The following ZC3H12B variants were observed in gnomAD, a reference collection of about 807,000 sequenced individuals.
The protein encoded by ZC3H12B is probable ribonuclease ZC3H12B.
ZC3H12B carries 7 observed loss-of-function variants against 43.9 expected under a neutral mutation model. The ratio of observed to expected loss-of-function variants is 0.16; its 90% CI spans 0.09 to 0.30. The LOEUF is 0.30. Ranked by LOEUF, ZC3H12B falls within the 10% of genes least tolerant of loss-of-function variation. The pLI, the probability that ZC3H12B is intolerant of heterozygous loss-of-function variation, is 1.00. For missense variants in ZC3H12B, 475 were observed against 670.2 expected (o/e 0.71, Z 3.22); for synonymous variants, 222 against 241.7 (o/e 0.92, Z 0.76).
the ZC3H12B span, among the ~76,000 whole-genome samples, chrX:65,101,196 A>C: frequency 1.8e-5 from 2 of 112,209 alleles, no homozygotes; most frequent in African/African-American, 6.5e-5. Flanking sequence ...TTTGAAGCCA[A>C]TGAGAACAAA....
the ZC3H12B span, among the ~76,000 whole-genome samples, chrX:65,307,337 G>T: frequency 9.0e-6 from 1 of 111,534 alleles, no homozygotes; most frequent in Non-Finnish European, 1.9e-5. Context: ...CAATAGAAAA[G>T]CACCCTCAAA....
At chrX:65,293,796 A>G in the ZC3H12B span, among the ~76,000 whole-genome samples, 1 of 111,805 alleles carries the variant, frequency 8.9e-6, no homozygotes, top group Non-Finnish European at 1.9e-5. Context: ...ACCCAATCCA[A>G]GAAAGACAAA....
At chrX:65,070,855 G>A in the ZC3H12B span, among the ~76,000 whole-genome samples, 11 of 86,382 alleles carry the variant, frequency 1.3e-4, no homozygotes, top group African/African-American at 4.8e-4. Flanking sequence ...GCTGAGGGTT[G>A]TCTTATGTCC....
chrX:65,454,134 C>G (rs993778650), intron 3 of ZC3H12B, among the ~76,000 whole-genome samples: 1 of 112,595 alleles, frequency 8.9e-6, no homozygotes, highest in Non-Finnish European at 1.9e-5. Flanking sequence ...GATTGTCAGA[C>G]AGTGGGTGCA....
intron 2 of ZC3H12B, among the ~76,000 whole-genome samples, chrX:65,392,525 C>G (rs1484324044): frequency 8.9e-6 from 1 of 112,321 alleles, no homozygotes; most frequent in Non-Finnish European, 1.9e-5. Flanking sequence ...GGCGCCCCCG[C>G]CCGGTAGCCA....
In ZC3H12B at chrX:65,400,153, T is replaced by G. The variant is rs754406288; in HGVS notation, n.407+1449T>G. On this transcript the variant is annotated intron_variant and non_coding_transcript_variant, in intron 3 of 5. Transcript: ENST00000617377. The stretch of plus-strand genomic sequence containing the variant: ...GACTATAGTAAAAAGTAAACAATAT[T>G]TTAAAATAAAAAATATTTAAAATAA... 8.1e-5 allele frequency among the ~76,000 whole-genome samples: 9 copies of G among 111,193 alleles called. No homozygotes were observed. The South Asian group carries it at 3.4e-3, about 42-fold the overall frequency.
chrX:65,245,614 G>A, the ZC3H12B span, among the ~76,000 whole-genome samples: 16 of 111,210 alleles, frequency 1.4e-4, no homozygotes, highest in Admixed American at 7.6e-4. Context: ...CGATAGATGC[G>A]GAAAAGGCTT....
At chrX:65,219,368 G>A in the ZC3H12B span, among the ~76,000 whole-genome samples, 1 of 111,713 alleles carries the variant, frequency 9.0e-6, no homozygotes, top group South Asian at 3.8e-4. Context: ...AATCAAAGAG[G>A]CACCAAAGAA....
At chrX:65,068,810 A>G in the ZC3H12B span, among the ~76,000 whole-genome samples, 6 of 111,189 alleles carry the variant, frequency 5.4e-5, no homozygotes, top group South Asian at 2.2e-3. Flanking sequence ...AATGTCTTGT[A>G]TTGATGAAAC....
chrX:65,253,791 C>G, the ZC3H12B span, among the ~76,000 whole-genome samples: 2 of 112,088 alleles, frequency 1.8e-5, no homozygotes, highest in African/African-American at 3.2e-5. Context: ...GTGGCCCACA[C>G]AGATGTGCAC....
chrX:65,468,837 G>T (rs1190157165), intron 3 of ZC3H12B, among the ~76,000 whole-genome samples: 1 of 109,309 alleles, frequency 9.1e-6, no homozygotes, highest in Non-Finnish European at 1.9e-5. Context: ...ATTGCTTTGT[G>T]CAGTATGGAA....
chrX:65,158,624 T>C, the ZC3H12B span, among the ~76,000 whole-genome samples: 3 of 111,820 alleles, frequency 2.7e-5, no homozygotes, highest in Admixed American at 9.5e-5. Context: ...GGGTTGTTTG[T>C]TTTTTTCTTG....
the ZC3H12B span, among the ~76,000 whole-genome samples, chrX:65,236,895 C>T: frequency 9.0e-6 from 1 of 111,628 alleles, no homozygotes; most frequent in African/African-American, 3.3e-5. Flanking sequence ...TATTATCTTC[C>T]ATTAGTCTAT....
intron 2 of ZC3H12B, among the ~76,000 whole-genome samples, chrX:65,374,860 C>T (rs935693203): frequency 1.8e-5 from 2 of 110,898 alleles, no homozygotes; most frequent in African/African-American, 6.6e-5. Context: ...ACCATCAGAT[C>T]TTGTGAGAAC....
the ZC3H12B span, among the ~76,000 whole-genome samples, chrX:65,340,426 A>G: frequency 0.06 from 6,720 of 111,705 alleles, 237 homozygotes; most frequent in Admixed American, 0.091. Flanking sequence ...CCACTACCCT[A>G]TGAAACACTC....
the ZC3H12B span, among the ~76,000 whole-genome samples, chrX:65,161,338 A>G: frequency 4.3e-4 from 48 of 111,345 alleles, no homozygotes; most frequent in Admixed American, 1.2e-3. Context: ...TGTCTCGTTG[A>G]TCTGTCTGTT....
intron 3 of ZC3H12B, among the ~76,000 whole-genome samples, chrX:65,467,794 C>T (rs1190095114): frequency 8.9e-6 from 1 of 111,970 alleles, no homozygotes; most frequent in African/African-American, 3.2e-5. Flanking sequence ...TTTTTGATGG[C>T]ATTGTTTATT....
chrX:65,123,321 G>T, the ZC3H12B span, among the ~76,000 whole-genome samples: 1 of 111,102 alleles, frequency 9.0e-6, no homozygotes, highest in Non-Finnish European at 1.9e-5. Context: ...TGCTGGATTC[G>T]GTTTGCCAGT....
chrX:65,495,700 C>A (rs1219422995), intron 1 of ZC3H12B, among the ~76,000 whole-genome samples: 2 of 111,828 alleles, frequency 1.8e-5, no homozygotes, highest in Non-Finnish European at 3.8e-5. Flanking sequence ...AAACAAGGCA[C>A]AAATCTAGTG....
Sources: allele counts gnomAD v4.1 joint callset (sites outside exome capture counted in the v4.1 genomes callset), GRCh38; gene constraint gnomAD v4.1.1; transcripts MANE v1.5; gene names NCBI Gene and HGNC (gene_info 2026-07-23, HGNC 2026-07-21).